MGMT: variants seen among roughly 807,000 people sequenced by gnomAD.
MGMT encodes the protein methylated-DNA--protein-cysteine methyltransferase.
Under a neutral mutation model 15.9 loss-of-function variants are expected in MGMT, and 14 were observed. The observed-to-expected ratio is 0.88, with a 90% confidence interval of 0.58 to 1.37. The LOEUF is 1.37. MGMT is among the 40% of genes most tolerant of loss of function. The probability of loss-of-function intolerance (pLI) is 0.00; values close to 1 mark genes in which losing one functional copy is unlikely to be tolerated. For synonymous variants in MGMT, 130 were observed against 118.2 expected, an observed-to-expected ratio of 1.10 and a Z score of -0.65; for missense variants, 282 against 268.1, an observed-to-expected ratio of 1.05 and a Z score of -0.36.
At chr10:129,631,976 G>A (rs7079165) in intron 2 of MGMT, among the ~76,000 whole-genome samples, 64,663 of 152,074 alleles carry the variant, frequency 0.43, 14,723 homozygotes, top group African/African-American at 0.57. Flanking sequence ...GGCTGTAGCA[G>A]TCCTCCCACC....
chr10:129,563,491 C>A (rs1408769055), intron 2 of MGMT, among the ~76,000 whole-genome samples: 3 of 152,158 alleles, frequency 2.0e-5, no homozygotes, highest in Non-Finnish European at 1.5e-5. Context: ...ATGTATTTAA[C>A]AATTCTTTAC....
At chr10:129,758,144 T>C (rs189582929) in intron 3 of MGMT, among the ~76,000 whole-genome samples, 2 of 152,146 alleles carry the variant, frequency 1.3e-5, no homozygotes, top group African/African-American at 2.4e-5. Context: ...GTGAAGTGAT[T>C]ATCGTTCCCT....
At chr10:129,578,722 A>C (rs900868303) in intron 2 of MGMT, among the ~76,000 whole-genome samples, 1 of 152,246 alleles carries the variant, frequency 6.6e-6, no homozygotes, top group African/African-American at 2.4e-5. Flanking sequence ...ACTGTCTTTC[A>C]CATCCTGGGA....
intron 2 of MGMT, among the ~76,000 whole-genome samples, chr10:129,626,443 G>A (rs1847150471): frequency 6.6e-6 from 1 of 152,208 alleles, no homozygotes; most frequent in Non-Finnish European, 1.5e-5. Flanking sequence ...GAGTTTCGGG[G>A]GTGATTGGAA....
chr10:129,750,181 C>T (rs1848737328), intron 3 of MGMT, among the ~76,000 whole-genome samples: 1 of 152,014 alleles, frequency 6.6e-6, no homozygotes, highest in Admixed American at 6.6e-5. Flanking sequence ...AAACTCTTCT[C>T]CCAACCTAAG....
chr10:129,563,779 GC>G, intron 2 of MGMT: 1 of 152,272 alleles, frequency 6.6e-6, no homozygotes, highest in Admixed American at 6.5e-5. Context: ...TGATTCACAG[GC>G]CCCTTCTGGT....
At chr10:129,511,855 G>A (rs1439715928) in intron 1 of MGMT, among the ~76,000 whole-genome samples, 4 of 152,158 alleles carry the variant, frequency 2.6e-5, no homozygotes, top group Admixed American at 6.5e-5. Context: ...CTGCTGTATC[G>A]GAATCCGCAT....
intron 2 of MGMT, among the ~76,000 whole-genome samples, chr10:129,575,400 A>G (rs1425185875): frequency 2.0e-5 from 3 of 151,746 alleles, no homozygotes; most frequent in South Asian, 2.1e-4. Context: ...CCGCTCAACT[A>G]CATGGAAACT....
At chr10:129,645,387 G>C (rs1847376344) in intron 2 of MGMT, among the ~76,000 whole-genome samples, 1 of 152,154 alleles carries the variant, frequency 6.6e-6, no homozygotes, top group Non-Finnish European at 1.5e-5. Flanking sequence ...CTCCCAAAGT[G>C]CTGGGATTAC....
intron 1 of MGMT, among the ~76,000 whole-genome samples, chr10:129,476,529 C>T (rs1428181304): frequency 6.6e-6 from 1 of 152,120 alleles, no homozygotes; most frequent in Non-Finnish European, 1.5e-5. Context: ...CCAGGAATCC[C>T]ATGGCTCCTG....
rs186486176 is a variant in MGMT, at chr10:129,716,794, A to G, written c.274+8751A>G. ...GACAAATGTAAAACAGCACAAATCTAGCTGAATGTGATGGTATCATTAGTT... is the reference window on the plus strand; with the variant it reads ...GACAAATGTAAAACAGCACAAATCTGGCTGAATGTGATGGTATCATTAGTT... On this transcript the variant is annotated intron_variant, in intron 3 of 4. Coordinates refer to ENST00000651593, the MANE Select transcript of MGMT (RefSeq NM_002412.5). Among the ~76,000 whole-genome samples the G allele has an allele frequency of 6.9e-4, 105 of 152,368 alleles. 2 individuals are homozygous for G. The highest frequency in any genetic ancestry group is 2.5e-3 in the African/African-American group (102 of 41,580).
At chr10:129,624,817 C>T (rs1016280528) in intron 2 of MGMT, among the ~76,000 whole-genome samples, 4 of 152,216 alleles carry the variant, frequency 2.6e-5, no homozygotes, top group African/African-American at 9.7e-5. Flanking sequence ...ACACCTTAAA[C>T]ATAGCCTAAG....
chr10:129,641,328 T>C (rs1429702732), intron 2 of MGMT, among the ~76,000 whole-genome samples: 8 of 152,208 alleles, frequency 5.3e-5, no homozygotes. Context: ...TGGAGAGATA[T>C]ACTGTGTTCT....
chr10:129,701,684 C>T (rs1848101117), intron 2 of MGMT: 1 of 152,212 alleles, frequency 6.6e-6, no homozygotes, highest in South Asian at 2.1e-4. Context: ...CTGCTTTCCT[C>T]ATGCTGAGCT....
At chr10:129,740,512 T>G (rs1360333812) in intron 3 of MGMT, among the ~76,000 whole-genome samples, 1 of 152,230 alleles carries the variant, frequency 6.6e-6, no homozygotes, top group Non-Finnish European at 1.5e-5. Flanking sequence ...GCACTGTCCT[T>G]TCCACATACA....
chr10:129,580,255 G>T (rs1023184615), intron 2 of MGMT, among the ~76,000 whole-genome samples: 5 of 152,184 alleles, frequency 3.3e-5, no homozygotes, highest in Non-Finnish European at 5.9e-5. Context: ...GGATGCGCGG[G>T]AGCCAGTGGT....
At chr10:129,479,689 TTC>T (rs771713299) in intron 1 of MGMT, among the ~76,000 whole-genome samples, 19 of 152,104 alleles carry the variant, frequency 1.2e-4, no homozygotes, top group Non-Finnish European at 2.5e-4. Context: ...CCTCATGTTC[TTC>T]CTTTGGTGGA....
chr10:129,731,944 TG>T (rs1848503088), intron 3 of MGMT, among the ~76,000 whole-genome samples: 1 of 152,192 alleles, frequency 6.6e-6, no homozygotes, highest in Non-Finnish European at 1.5e-5. Context: ...AAAACTCTTT[TG>T]TCACCTGTAA....
intron 2 of MGMT, among the ~76,000 whole-genome samples, chr10:129,695,426 G>A (rs1030963389): frequency 6.6e-6 from 1 of 152,202 alleles, no homozygotes. Flanking sequence ...ATTTATTAAT[G>A]AGCCCAAGTA....
Sources: allele counts gnomAD v4.1 joint callset (sites outside exome capture counted in the v4.1 genomes callset), GRCh38; gene constraint gnomAD v4.1.1; transcripts MANE v1.5; gene names NCBI Gene and HGNC (gene_info 2026-07-23, HGNC 2026-07-21).